The following UNC5D variants were observed in gnomAD, a reference collection of about 807,000 sequenced individuals.
UNC5D encodes the protein unc-5 netrin receptor D.
Under a neutral mutation model 105.4 loss-of-function variants are expected in UNC5D, and 39 were observed. The observed-to-expected ratio is 0.37, with a 90% CI of 0.29 to 0.48. The LOEUF (loss-of-function observed/expected upper bound fraction) is 0.48. Among genes scored for constraint, UNC5D ranks in the 20% least tolerant of loss-of-function variants. The pLI, the probability that UNC5D is intolerant of heterozygous loss-of-function variation, is 0.98. For synonymous variants in UNC5D, 452 were observed against 450.4 expected, an observed-to-expected ratio of 1.00 and a Z score of -0.04; for missense variants, 991 against 1,202.4, an observed-to-expected ratio of 0.82 and a Z score of 2.60.
chr8:35,347,458 A>G (rs891936374), intron 1 of UNC5D, among the ~76,000 whole-genome samples: 6 of 152,124 alleles, frequency 3.9e-5, no homozygotes, highest in South Asian at 2.1e-4. Flanking sequence ...TGCAGCCAGC[A>G]TGGATTCTTT....
chr8:35,710,931 A>ATT (rs1827896059), intron 8 of UNC5D, among the ~76,000 whole-genome samples: 1 of 122,026 alleles, frequency 8.2e-6, no homozygotes, highest in African/African-American at 4.2e-5. Flanking sequence ...GCTCAGCATT[A>ATT]TTCTTTTTTT....
chr8:35,507,458 A>G (rs1812406046), intron 1 of UNC5D, among the ~76,000 whole-genome samples: 1 of 152,148 alleles, frequency 6.6e-6, no homozygotes, highest in Non-Finnish European at 1.5e-5. Flanking sequence ...GTAAGTAAGA[A>G]TCACTTCATG....
chr8:35,765,703 A>G (rs1801734721), intron 14 of UNC5D, among the ~76,000 whole-genome samples: 1 of 152,218 alleles, frequency 6.6e-6, no homozygotes, highest in African/African-American at 2.4e-5. Flanking sequence ...GGTAACTCAT[A>G]GCTTCTCAAA....
intron 4 of UNC5D, among the ~76,000 whole-genome samples, chr8:35,643,750 A>G (rs756925198): frequency 6.6e-6 from 1 of 152,162 alleles, no homozygotes; most frequent in Non-Finnish European, 1.5e-5. Context: ...CTAAATGTCT[A>G]AAAAATGTTT....
intron 8 of UNC5D, among the ~76,000 whole-genome samples, chr8:35,707,368 A>C (rs942592499): frequency 6.6e-6 from 1 of 152,174 alleles, no homozygotes; most frequent in South Asian, 2.1e-4. Context: ...CTGCCCATTA[A>C]AAAAAATCAT....
At chr8:35,706,225 G>C (rs1827567902) in intron 8 of UNC5D, among the ~76,000 whole-genome samples, 3 of 152,194 alleles carry the variant, frequency 2.0e-5, no homozygotes, top group African/African-American at 7.2e-5. Flanking sequence ...ATGTCATCTA[G>C]GATTCTTATT....
rs113534595 is a variant in UNC5D, at chr8:35,454,029, G to A, written c.104-95263G>A. ...ATACAAGACTTGTTTCCTTTTAATCGCATGGCAAATTCAGTTACCCATTAT... is the reference window on the plus strand; with the variant it reads ...ATACAAGACTTGTTTCCTTTTAATCACATGGCAAATTCAGTTACCCATTAT... On this transcript the variant is annotated intron_variant, in intron 1 of 16. Transcript: ENST00000404895. Among the ~76,000 whole-genome samples, 547 of 152,134 alleles carry A rather than the reference G, an allele frequency of 3.6e-3. 1 individual carries two copies. Among genetic ancestry groups the A allele is most frequent in the African/African-American group, 0.012 (485 of 41,530 alleles).
At chr8:35,689,517 A>G (rs1826248028) in intron 7 of UNC5D, among the ~76,000 whole-genome samples, 1 of 152,206 alleles carries the variant, frequency 6.6e-6, no homozygotes, top group South Asian at 2.1e-4. Flanking sequence ...AAATTGGCTC[A>G]TGTGATTCTG....
chr8:35,631,198 C>T (rs1822016985), intron 4 of UNC5D, among the ~76,000 whole-genome samples: 1 of 151,990 alleles, frequency 6.6e-6, no homozygotes, highest in Non-Finnish European at 1.5e-5. Flanking sequence ...CTTGCAGTCC[C>T]AGCTACTGGG....
intron 1 of UNC5D, among the ~76,000 whole-genome samples, chr8:35,448,515 G>A (rs937726948): frequency 2.6e-5 from 4 of 152,098 alleles, no homozygotes; most frequent in African/African-American, 9.7e-5. Context: ...GGCAGCATCA[G>A]CAGCACCTGG....
chr8:35,340,464 G>C (rs1000167765), intron 1 of UNC5D, among the ~76,000 whole-genome samples: 1 of 152,166 alleles, frequency 6.6e-6, no homozygotes, highest in Non-Finnish European at 1.5e-5. Context: ...CACTAGTTTG[G>C]TGTGCTTGAG....
At chr8:35,382,914 C>T (rs1209575734) in intron 1 of UNC5D, among the ~76,000 whole-genome samples, 3 of 152,140 alleles carry the variant, frequency 2.0e-5, no homozygotes, top group South Asian at 2.1e-4. Flanking sequence ...ACGCTGTCGT[C>T]GTCTACTTTT....
At chr8:35,543,725 C>T (rs1815436737) in intron 1 of UNC5D, among the ~76,000 whole-genome samples, 2 of 152,112 alleles carry the variant, frequency 1.3e-5, no homozygotes, top group Admixed American at 1.3e-4. Context: ...CACTAGTTCT[C>T]TCAAAAATAT....
intron 1 of UNC5D, among the ~76,000 whole-genome samples, chr8:35,548,701 C>A (rs180865183): frequency 1.3e-5 from 2 of 152,288 alleles, no homozygotes; most frequent in Non-Finnish European, 2.9e-5. Context: ...GGGCCAAAGG[C>A]AAGCAAAATG....
At chr8:35,583,993 G>A (rs1818621771) in intron 3 of UNC5D, among the ~76,000 whole-genome samples, 1 of 152,118 alleles carries the variant, frequency 6.6e-6, no homozygotes, top group African/African-American at 2.4e-5. Context: ...GATCATTCTG[G>A]TGCCACATGT....
intron 1 of UNC5D, among the ~76,000 whole-genome samples, chr8:35,474,575 G>T (rs901857065): frequency 2.8e-4 from 42 of 151,974 alleles, no homozygotes; most frequent in African/African-American, 9.4e-4. Context: ...ATTTTTACTG[G>T]CCTATCCTGC....
Position 35,245,131 on chromosome 8 carries a change from G to A in UNC5D, c.103+9244G>A, listed in dbSNP as rs551075959. ...CTCGTCTTTATTATTACTTTTGAGT[G>A]TATGTGCTTTATTTTTACTTTCTGT... On this transcript the variant is annotated intron_variant, in intron 1 of 16. Transcript: ENST00000404895. 3.5e-4 allele frequency among the ~76,000 whole-genome samples: 53 copies of A among 152,260 alleles called. No individual in the cohort carries two copies. The South Asian group carries it at 0.011, about 31-fold the overall frequency.
At chr8:35,540,537 T>G (rs996765004) in intron 1 of UNC5D, among the ~76,000 whole-genome samples, 13 of 151,218 alleles carry the variant, frequency 8.6e-5, no homozygotes, top group Non-Finnish European at 1.6e-4. Context: ...AGCAAAAAAC[T>G]TAATACAAAC....
chr8:35,586,364 A>T (rs1818792791), intron 3 of UNC5D, among the ~76,000 whole-genome samples: 1 of 152,198 alleles, frequency 6.6e-6, no homozygotes, highest in African/African-American at 2.4e-5. Flanking sequence ...TGCCAAATAC[A>T]AAAGACTATC....
Sources: allele counts gnomAD v4.1 joint callset (sites outside exome capture counted in the v4.1 genomes callset), GRCh38; gene constraint gnomAD v4.1.1; transcripts MANE v1.5; gene names NCBI Gene and HGNC (gene_info 2026-07-23, HGNC 2026-07-21).